OPCML: variants seen among roughly 807,000 people sequenced by gnomAD.
The protein encoded by OPCML is opioid binding protein/cell adhesion molecule like, also known as opioid-binding protein/cell adhesion molecule.
A neutral mutation model predicts 37.8 loss-of-function variants in OPCML; 13 were observed. The ratio of observed to expected loss-of-function variants is 0.34; its 90% CI spans 0.22 to 0.55. The LOEUF (loss-of-function observed/expected upper bound fraction) is 0.55. Among genes scored for constraint, OPCML ranks in the 20% least tolerant of loss-of-function variants. The pLI, the probability that OPCML is intolerant of heterozygous loss-of-function variation, is 0.91. For missense variants in OPCML, 341 were observed against 435.6 expected (o/e 0.78, Z 1.93); for synonymous variants, 176 against 168.8 (o/e 1.04, Z -0.33).
At chr11:133,479,411 C>A (rs1444821591) in intron 1 of OPCML, among the ~76,000 whole-genome samples, 1 of 152,192 alleles carries the variant, frequency 6.6e-6, no homozygotes, top group Admixed American at 6.5e-5. Flanking sequence ...CCTACCTCAG[C>A]CTGAGTCATG....
intron 2 of OPCML, among the ~76,000 whole-genome samples, chr11:132,879,856 A>C (rs1476767888): frequency 6.6e-6 from 1 of 152,258 alleles, no homozygotes; most frequent in African/African-American, 2.4e-5. Flanking sequence ...ATACAAACAA[A>C]AACATACATT....
chr11:132,442,629 T>C (rs2096039916), intron 4 of OPCML, among the ~76,000 whole-genome samples: 1 of 152,184 alleles, frequency 6.6e-6, no homozygotes, highest in African/African-American at 2.4e-5. Context: ...TCACCTTGAA[T>C]TGTAATTATC....
chr11:133,202,338 G>A (rs1938835159), intron 1 of OPCML, among the ~76,000 whole-genome samples: 1 of 152,152 alleles, frequency 6.6e-6, no homozygotes, highest in Admixed American at 6.5e-5. Context: ...ATCAGCTGGG[G>A]CGATTATTCC....
chr11:132,586,458 A>C (rs957911839), intron 3 of OPCML, among the ~76,000 whole-genome samples: 2 of 152,238 alleles, frequency 1.3e-5, no homozygotes, highest in African/African-American at 4.8e-5. Context: ...GCTAGGGCAG[A>C]TTAAAACAGA....
intron 2 of OPCML, among the ~76,000 whole-genome samples, chr11:132,675,617 T>C (rs1015709668): frequency 6.6e-6 from 1 of 152,074 alleles, no homozygotes; most frequent in Non-Finnish European, 1.5e-5. Flanking sequence ...GATCAATATA[T>C]AAAAATTAAC....
At chr11:132,792,218 G>C (rs1937964239) in intron 2 of OPCML, among the ~76,000 whole-genome samples, 1 of 152,018 alleles carries the variant, frequency 6.6e-6, no homozygotes, top group South Asian at 2.1e-4. Flanking sequence ...GTTTTACGGA[G>C]AGAGACAATT....
chr11:133,473,524 G>A (rs147837119), intron 1 of OPCML, among the ~76,000 whole-genome samples: 2 of 152,122 alleles, frequency 1.3e-5, no homozygotes, highest in African/African-American at 4.8e-5. Context: ...AGTGAACAAG[G>A]TTACTCCATG....
intron 2 of OPCML, among the ~76,000 whole-genome samples, chr11:132,755,660 G>C (rs138407415): frequency 1.3e-5 from 2 of 152,138 alleles, no homozygotes; most frequent in Non-Finnish European, 2.9e-5. Flanking sequence ...GTCAAAGTCT[G>C]CTCATATTTT....
chr11:133,262,025 T>C (rs1941510820), intron 1 of OPCML, among the ~76,000 whole-genome samples: 1 of 152,224 alleles, frequency 6.6e-6, no homozygotes, highest in African/African-American at 2.4e-5. Flanking sequence ...GCAAAGGGAC[T>C]TTACTACTCT....
chr11:133,307,449 A>G (rs772667446), intron 1 of OPCML, among the ~76,000 whole-genome samples: 2 of 152,202 alleles, frequency 1.3e-5, no homozygotes, highest in Non-Finnish European at 2.9e-5. Flanking sequence ...AGTGTACATA[A>G]TACATATATA....
Position 133,012,017 on chromosome 11 carries a change from G to T in OPCML, c.62-69007C>A, listed in dbSNP as rs1264074460. Among the ~76,000 whole-genome samples the T allele has an allele frequency of 5.7e-4, 86 of 152,126 alleles. 2 individuals are homozygous for T. Among genetic ancestry groups the T allele is most frequent in the Admixed American group, 5.6e-3 (86 of 15,272 alleles). On this transcript the variant is annotated intron_variant, in intron 1 of 7. Transcript: ENST00000524381. ...CAAAACAAATGGCTGACTGTGTTTG[G>T]ATCATGAGCTATAGTTTGCTCACTC...
chr11:132,947,962 G>A (rs939790473), intron 1 of OPCML, among the ~76,000 whole-genome samples: 5 of 152,204 alleles, frequency 3.3e-5, no homozygotes, highest in Middle Eastern at 6.8e-3. Flanking sequence ...TGAGCACCAT[G>A]TCTGTCCTCA....
intron 1 of OPCML, among the ~76,000 whole-genome samples, chr11:133,393,469 A>C (rs1945219204): frequency 6.6e-6 from 1 of 152,228 alleles, no homozygotes; most frequent in South Asian, 2.1e-4. Flanking sequence ...GCCTGGCTAC[A>C]GCTTACCATC....
intron 1 of OPCML, among the ~76,000 whole-genome samples, chr11:133,049,159 AC>A (rs1406842062): frequency 5.3e-5 from 8 of 152,218 alleles, no homozygotes. Context: ...TGTGAGTGTA[AC>A]ATTGGATTCT....
intron 2 of OPCML, among the ~76,000 whole-genome samples, chr11:132,706,074 G>T (rs1280079076): frequency 1.3e-5 from 2 of 152,092 alleles, no homozygotes; most frequent in Non-Finnish European, 2.9e-5. Flanking sequence ...CCAAAGTGCT[G>T]GGATTACAGG....
At chr11:132,505,973 C>T (rs556164954) in intron 4 of OPCML, among the ~76,000 whole-genome samples, 1 of 152,018 alleles carries the variant, frequency 6.6e-6, no homozygotes, top group African/African-American at 2.4e-5. Context: ...TCACATCTCC[C>T]GGAAAGAATT....
chr11:133,374,348 G>C (rs1006677304), intron 1 of OPCML, among the ~76,000 whole-genome samples: 8 of 152,318 alleles, frequency 5.3e-5, no homozygotes, highest in African/African-American at 1.9e-4. Context: ...AGGGCAGAAG[G>C]CAGGAATCCC....
chr11:133,049,001 A>G (rs557876406), intron 1 of OPCML, among the ~76,000 whole-genome samples: 2 of 152,240 alleles, frequency 1.3e-5, no homozygotes, highest in Non-Finnish European at 2.9e-5. Flanking sequence ...TTCATTAAGC[A>G]TTACTATTTA....
intron 1 of OPCML, among the ~76,000 whole-genome samples, chr11:133,315,596 T>G (rs1943187803): frequency 6.6e-6 from 1 of 152,194 alleles, no homozygotes; most frequent in Admixed American, 6.5e-5. Context: ...GTCAAGAGTT[T>G]AAGACCAGCC....
Sources: allele counts gnomAD v4.1 joint callset (sites outside exome capture counted in the v4.1 genomes callset), GRCh38; gene constraint gnomAD v4.1.1; transcripts MANE v1.5; gene names NCBI Gene and HGNC (gene_info 2026-07-23, HGNC 2026-07-21).